The following HACD2 variants were observed in gnomAD, a reference collection of about 807,000 sequenced individuals.
HACD2 encodes the protein very-long-chain (3R)-3-hydroxyacyl-CoA dehydratase 2.
In HACD2, 15 loss-of-function variants were observed where a neutral mutation model predicts 31.0. That is an observed-to-expected ratio of 0.48 (90% CI 0.32 to 0.75). HACD2 has a LOEUF of 0.75. Ranked by LOEUF, HACD2 falls within the 30% of genes least tolerant of loss-of-function variation. The pLI is 0.03. For missense variants in HACD2, 283 were observed against 313.0 expected (o/e 0.90, Z 0.72); for synonymous variants, 115 against 122.2 (o/e 0.94, Z 0.39).
chr3:123,513,855 G>T (rs753494836), intron 4 of HACD2, among the ~76,000 whole-genome samples: 4 of 152,162 alleles, frequency 2.6e-5, no homozygotes, highest in Non-Finnish European at 5.9e-5. Flanking sequence ...CTGATTTCCC[G>T]ATTTGGAGAG....
At chr3:123,519,145 T>C (rs1338952973) in intron 4 of HACD2, among the ~76,000 whole-genome samples, 1 of 152,144 alleles carries the variant, frequency 6.6e-6, no homozygotes, top group Non-Finnish European at 1.5e-5. Context: ...AATTAGTTTT[T>C]CTGAAGAAAA....
At chr3:123,547,352 T>C (rs2056572007) in intron 3 of HACD2, among the ~76,000 whole-genome samples, 1 of 152,200 alleles carries the variant, frequency 6.6e-6, no homozygotes, top group South Asian at 2.1e-4. Flanking sequence ...GACATATGTA[T>C]TCCCCTTGAT....
At chr3:123,536,620 C>T (rs1034589729) in intron 3 of HACD2, among the ~76,000 whole-genome samples, 10 of 152,124 alleles carry the variant, frequency 6.6e-5, no homozygotes, top group Non-Finnish European at 1.3e-4. Context: ...AAGAATACAC[C>T]GTGTTCCACA....
At chr3:123,571,377 T>C (rs992855743) in intron 2 of HACD2, among the ~76,000 whole-genome samples, 2 of 152,126 alleles carry the variant, frequency 1.3e-5, no homozygotes, top group African/African-American at 4.8e-5. Flanking sequence ...GATACAGATA[T>C]TATGTGGGTG....
At chr3:123,506,011 C>T (rs1054038819) in intron 4 of HACD2, among the ~76,000 whole-genome samples, 1 of 152,254 alleles carries the variant, frequency 6.6e-6, no homozygotes, top group Non-Finnish European at 1.5e-5. Context: ...CTGGGGCGGC[C>T]AGGGCTGCTG....
chr3:123,561,699 A>G (rs1305943790), intron 3 of HACD2, among the ~76,000 whole-genome samples: 1 of 152,094 alleles, frequency 6.6e-6, no homozygotes, highest in Non-Finnish European at 1.5e-5. Context: ...CAGAAAAGAT[A>G]TAACACTTCT....
rs559098067 is a variant in HACD2, at chr3:123,500,597, A to G, written c.600T>C (p.Tyr200=). The part of the protein sequence containing the change: ...ALPFVRQAGL[Y]SISLPNKYNF... The stretch of plus-strand genomic sequence containing the variant: ...TGTATTTGTTGGGTAAACTGATGGA[A>G]TATAGGCCAGCTTGTCTGACAAAGG... Residue 200 remains tyrosine (Y), a synonymous_variant, in exon 6 of 7, where the codon TAT becomes TAC. Coordinates refer to ENST00000383657, the MANE Select transcript of HACD2 (RefSeq NM_198402.5). 6.2e-7 allele frequency: 1 copy of G among 1,612,938 alleles called. No homozygotes were observed. Among genetic ancestry groups the G allele is most frequent in the East Asian group, 2.2e-5 (1 of 44,862 alleles).
At chr3:123,562,161 A>C (rs55795951) in intron 3 of HACD2, among the ~76,000 whole-genome samples, 27,943 of 152,180 alleles carry the variant, frequency 0.18, 2,716 homozygotes, top group African/African-American at 0.2. Context: ...AATAAATATA[A>C]AAGCTTTGCA....
intron 4 of HACD2, among the ~76,000 whole-genome samples, chr3:123,522,711 G>A (rs2056232432): frequency 6.6e-6 from 1 of 151,202 alleles, no homozygotes; most frequent in Admixed American, 6.6e-5. Flanking sequence ...AAATGAAGGT[G>A]ATGTAAATCC....
intron 3 of HACD2, among the ~76,000 whole-genome samples, chr3:123,553,571 G>C (rs144016517): frequency 6.6e-6 from 1 of 152,208 alleles, no homozygotes; most frequent in African/African-American, 2.4e-5. Flanking sequence ...TCATTTCTTA[G>C]GCTTGTGTTT....
intron 3 of HACD2, among the ~76,000 whole-genome samples, chr3:123,531,821 T>C (rs1380048825): frequency 6.6e-6 from 1 of 152,186 alleles, no homozygotes; most frequent in East Asian, 1.9e-4. Context: ...TTCCTTTGAG[T>C]TAATATGTTT....
chr3:123,555,986 T>C (rs574897060), intron 3 of HACD2, among the ~76,000 whole-genome samples: 93 of 152,220 alleles, frequency 6.1e-4, no homozygotes, highest in African/African-American at 2.1e-3. Context: ...AACAACTGGA[T>C]GACTATATGT....
At position 123,561,846 on chromosome 3, in the gene HACD2, C is replaced by G. The variant is rs572506998; in HGVS notation, c.292+5916G>C. On this transcript the variant is annotated intron_variant, in intron 3 of 6. Coordinates refer to ENST00000383657, the MANE Select transcript of HACD2 (RefSeq NM_198402.5). ...TTATTTTTTGAGACGGGGTCTCACT[C>G]TGTCGCCCAGGCTGGAGTGCAGAGG... 3.3e-5 allele frequency among the ~76,000 whole-genome samples: 5 copies of G among 152,162 alleles called. No homozygotes were observed. In the South Asian group the frequency reaches 1.0e-3, roughly 32 times the overall value.
At chr3:123,544,631 T>A (rs1419063743) in intron 3 of HACD2, among the ~76,000 whole-genome samples, 1 of 152,110 alleles carries the variant, frequency 6.6e-6, no homozygotes, top group African/African-American at 2.4e-5. Flanking sequence ...CAGCTATAAA[T>A]AATGGAAATA....
chr3:123,544,164 A>G (rs1054935900), intron 3 of HACD2, among the ~76,000 whole-genome samples: 5 of 152,338 alleles, frequency 3.3e-5, no homozygotes, highest in Admixed American at 3.3e-4. Context: ...CAGAACATGG[A>G]AAGAGCCTGT....
intron 3 of HACD2, among the ~76,000 whole-genome samples, chr3:123,532,573 G>A (rs1576756376): frequency 6.6e-6 from 1 of 152,216 alleles, no homozygotes; most frequent in African/African-American, 2.4e-5. Context: ...GCTTACGCCT[G>A]TAATCCCAGC....
intron 3 of HACD2, among the ~76,000 whole-genome samples, chr3:123,545,170 T>C (rs9820766): frequency 0.32 from 47,700 of 148,044 alleles, 8,796 homozygotes; most frequent in African/African-American, 0.48. Flanking sequence ...AATGTGTATG[T>C]GTTACTTTAT....
At chr3:123,571,058 T>C (rs891052457) in intron 2 of HACD2, among the ~76,000 whole-genome samples, 7 of 152,214 alleles carry the variant, frequency 4.6e-5, no homozygotes, top group African/African-American at 1.7e-4. Flanking sequence ...TAAACAGGAA[T>C]CTCAAAACTG....
chr3:123,505,205 G>A (rs995409587), intron 4 of HACD2, among the ~76,000 whole-genome samples: 1 of 152,208 alleles, frequency 6.6e-6, no homozygotes, highest in African/African-American at 2.4e-5. Flanking sequence ...GTGGTACCTA[G>A]GGTGAGGCAG....
Sources: allele counts gnomAD v4.1 joint callset (sites outside exome capture counted in the v4.1 genomes callset), GRCh38; gene constraint gnomAD v4.1.1; transcripts MANE v1.5; gene names NCBI Gene and HGNC (gene_info 2026-07-23, HGNC 2026-07-21).